The following PDE6D variants were observed in gnomAD, a reference collection of about 807,000 sequenced individuals.
PDE6D encodes phosphodiesterase 6D, also known as retinal rod rhodopsin-sensitive cGMP 3',5'-cyclic phosphodiesterase subunit delta.
PDE6D carries 10 observed loss-of-function variants against 21.9 expected under a neutral mutation model. The observed-to-expected ratio is 0.46, with a 90% CI of 0.28 to 0.78. The LOEUF (loss-of-function observed/expected upper bound fraction) is 0.78. Among genes scored for constraint, PDE6D ranks in the 30% least tolerant of loss-of-function variants. The pLI, the probability that PDE6D is intolerant of heterozygous loss-of-function variation, is 0.12. For missense variants in PDE6D, 139 were observed against 184.8 expected, an observed-to-expected ratio of 0.75 and a Z score of 1.44; for synonymous variants, 59 against 63.5, an observed-to-expected ratio of 0.93 and a Z score of 0.34.
intron 1 of PDE6D, among the ~76,000 whole-genome samples, chr2:231,767,447 C>T (rs955757234): frequency 6.6e-6 from 1 of 151,988 alleles, no homozygotes; most frequent in Non-Finnish European, 1.5e-5. Context: ...TCCTGAGTAG[C>T]TGGGACTACA....
chr2:231,747,654 C>T (rs780398990), intron 1 of PDE6D, among the ~76,000 whole-genome samples: 8 of 152,222 alleles, frequency 5.3e-5, no homozygotes, highest in Non-Finnish European at 1.2e-4. Flanking sequence ...CCCTGGCTTT[C>T]CTCTGCACTT....
chr2:231,749,315 C>T (rs1197378378), intron 1 of PDE6D, among the ~76,000 whole-genome samples: 4 of 152,076 alleles, frequency 2.6e-5, no homozygotes, highest in South Asian at 2.1e-4. Flanking sequence ...TTGACTGCTC[C>T]GCTGGATTTT....
chr2:231,770,264 CAGAGGACAATGTTTA>C, intron 1 of PDE6D, among the ~76,000 whole-genome samples: 1 of 152,226 alleles, frequency 6.6e-6, no homozygotes, highest in East Asian at 1.9e-4. Context: ...CTCTTGACTA[CAGAGGACAATGTTTA>C]AGAGGACTGT....
chr2:231,740,539 G>A (rs1375038061), intron 1 of PDE6D, among the ~76,000 whole-genome samples: 1 of 151,712 alleles, frequency 6.6e-6, no homozygotes, highest in Non-Finnish European at 1.5e-5. Context: ...AAATTAACAA[G>A]TCATGGTGGT....
At chr2:231,734,874 A>C (rs1008725686) in intron 4 of PDE6D, among the ~76,000 whole-genome samples, 2 of 149,114 alleles carry the variant, frequency 1.3e-5, no homozygotes, top group Non-Finnish European at 3.0e-5. Flanking sequence ...AAAAAACCCC[A>C]AAAAACAGGT....
chr2:231,762,440 GT>G (rs2048938826), intron 1 of PDE6D, among the ~76,000 whole-genome samples: 1 of 148,850 alleles, frequency 6.7e-6, no homozygotes. Flanking sequence ...TGCCTCCTGG[GT>G]TCAAGTGATT....
At chr2:231,736,349 T>A (rs1176734554) in intron 4 of PDE6D, among the ~76,000 whole-genome samples, 1 of 152,144 alleles carries the variant, frequency 6.6e-6, no homozygotes, top group African/African-American at 2.4e-5. Context: ...AGTCTTGGTC[T>A]GCTACCCAGG....
intron 1 of PDE6D, among the ~76,000 whole-genome samples, chr2:231,773,900 G>A (rs2049033796): frequency 6.6e-6 from 1 of 152,080 alleles, no homozygotes; most frequent in Non-Finnish European, 1.5e-5. Flanking sequence ...AGAGAAATAA[G>A]TAGCTTTACA....
chr2:231,734,323 A>G (rs72996817), intron 4 of PDE6D, among the ~76,000 whole-genome samples: 27,444 of 151,998 alleles, frequency 0.18, 2,777 homozygotes, highest in Non-Finnish European at 0.23. Context: ...TGGGGATATT[A>G]AATGCATTTT....
chr2:231,757,512 A>T (rs550282656), intron 1 of PDE6D, among the ~76,000 whole-genome samples: 24 of 152,170 alleles, frequency 1.6e-4, no homozygotes, highest in Non-Finnish European at 2.5e-4. Flanking sequence ...TGGCCAGGCT[A>T]GTCTCCTGAC....
intron 1 of PDE6D, among the ~76,000 whole-genome samples, chr2:231,775,948 GTTAAT>G (rs2049052725): frequency 6.6e-6 from 1 of 152,096 alleles, no homozygotes; most frequent in East Asian, 1.9e-4. Flanking sequence ...TCAGTTTCTT[GTTAAT>G]TTAATAAAGT....
chr2:231,781,074 C>A lies in PDE6D; in HGVS notation c.41G>T (p.Gly14Val). The A allele has an allele frequency of 1.2e-6, 2 of 1,613,268 alleles. No individual in the cohort carries two copies. The highest frequency in any genetic ancestry group is 1.3e-5 in the African/African-American group (1 of 75,038). The part of the protein sequence containing the change: ...KDERAREILR[G>V]FKLNWMNLRD... The stretch of plus-strand genomic sequence containing the variant: ...GCTCCCGGACGGATACAGTTTGAAG[C>A]CCCTCAGGATCTCCCTGGCCCGCTC... The change falls in exon 1 of 5, where the codon GGC (glycine) becomes GTC (valine). Residue 14 changes from glycine (G) to valine (V), a missense_variant. Physicochemically the swap from Gly to Val is moderately radical, Grantham distance 109. Transcript: ENST00000287600.
At chr2:231,745,900 T>C (rs1001036247) in intron 1 of PDE6D, among the ~76,000 whole-genome samples, 1 of 151,782 alleles carries the variant, frequency 6.6e-6, no homozygotes, top group Non-Finnish European at 1.5e-5. Flanking sequence ...GGTGGTAGAA[T>C]GGGAAGGGAA....
chr2:231,732,682 T>C lies in PDE6D; in HGVS notation c.*270A>G. The C allele has an allele frequency of 3.0e-6, 1 of 338,326 alleles. No homozygotes were observed. The allele number at this position is 338,326 out of a possible 1,614,324, so 21.0% of individuals were successfully genotyped here. A position where few individuals can be genotyped will look rare whatever the true frequency, so the allele number is the denominator to read the frequency against. On this transcript the variant is annotated 3_prime_UTR_variant, in exon 5 of 5. Coordinates refer to ENST00000287600, the MANE Select transcript of PDE6D (RefSeq NM_002601.4). The stretch of plus-strand genomic sequence containing the variant: ...CGGTTTGTGGTATGTGTTTGTTCCC[T>C]GTGTGTATGCTGGGAAGGACTTGAG...
intron 1 of PDE6D, among the ~76,000 whole-genome samples, chr2:231,764,690 T>A (rs1426844525): frequency 6.6e-6 from 1 of 152,202 alleles, no homozygotes; most frequent in African/African-American, 2.4e-5. Flanking sequence ...ATACATTCCA[T>A]TCTCCAAAGT....
intron 1 of PDE6D, among the ~76,000 whole-genome samples, chr2:231,745,386 G>A (rs961159938): frequency 6.6e-6 from 1 of 152,164 alleles, no homozygotes; most frequent in African/African-American, 2.4e-5. Flanking sequence ...AGACTCAAAG[G>A]TCAAGTCACT....
intron 1 of PDE6D, among the ~76,000 whole-genome samples, chr2:231,760,148 A>C (rs2048914794): frequency 6.6e-6 from 1 of 152,222 alleles, no homozygotes; most frequent in African/African-American, 2.4e-5. Flanking sequence ...CAAATGGGTC[A>C]CATCCAAGTA....
intron 1 of PDE6D, among the ~76,000 whole-genome samples, chr2:231,747,953 A>G (rs2048807787): frequency 6.6e-6 from 1 of 152,182 alleles, no homozygotes; most frequent in Non-Finnish European, 1.5e-5. Flanking sequence ...ACCTCCCGCC[A>G]TGATTCTGAG....
At chr2:231,761,910 A>C (rs1469413874) in intron 1 of PDE6D, among the ~76,000 whole-genome samples, 1 of 152,214 alleles carries the variant, frequency 6.6e-6, no homozygotes, top group African/African-American at 2.4e-5. Context: ...ACCCTTGGGA[A>C]CAGAAAGGCT....
Sources: allele counts gnomAD v4.1 joint callset (sites outside exome capture counted in the v4.1 genomes callset), GRCh38; gene constraint gnomAD v4.1.1; transcripts MANE v1.5; gene names NCBI Gene and HGNC (gene_info 2026-07-23, HGNC 2026-07-21).